TP63: variants seen among roughly 807,000 people sequenced by gnomAD.
TP63 encodes the protein tumor protein 63.
TP63 carries 17 observed loss-of-function variants against 82.8 expected under a neutral mutation model. That is an observed-to-expected ratio of 0.21 (90% CI 0.14 to 0.31). The LOEUF is 0.31. Ranked by LOEUF, TP63 falls within the 10% of genes least tolerant of loss-of-function variation. The pLI is 1.00. For synonymous variants in TP63, 330 were observed against 321.7 expected, an observed-to-expected ratio of 1.03 and a Z score of -0.28; for missense variants, 648 against 895.3, an observed-to-expected ratio of 0.72 and a Z score of 3.52.
At position 189,631,511 on chromosome 3, in the gene TP63, A is replaced by C; in HGVS notation, c.-5A>C. 6.2e-7 allele frequency: 1 copy of C among 1,612,638 alleles called. No individual in the cohort carries two copies. Among genetic ancestry groups the C allele is most frequent in the Admixed American group, 1.7e-5 (1 of 59,940 alleles). On this transcript the variant is annotated 5_prime_UTR_variant, in exon 1 of 14. Transcript: ENST00000264731. Reference sequence around the variant, plus strand: ...GTTCGTTGATATCAAAGACAGTTGAAGGAAATGAATTTTGAAACTTCACGG... The same window carrying C: ...GTTCGTTGATATCAAAGACAGTTGACGGAAATGAATTTTGAAACTTCACGG...
At chr3:189,706,419 C>A (rs1451010726) in intron 1 of TP63, among the ~76,000 whole-genome samples, 1 of 151,802 alleles carries the variant, frequency 6.6e-6, no homozygotes, top group Non-Finnish European at 1.5e-5. Context: ...CCATGCCTGG[C>A]TCATTTTTGT....
chr3:189,779,976 A>T (rs1239503935), intron 3 of TP63, among the ~76,000 whole-genome samples: 1 of 152,224 alleles, frequency 6.6e-6, no homozygotes, highest in Non-Finnish European at 1.5e-5. Context: ...AGGCAATAAG[A>T]TCAGATCAAC....
intron 10 of TP63, chr3:189,881,264 A>G (rs1017699538): frequency 2.0e-6 from 2 of 985,204 alleles, no homozygotes; most frequent in Non-Finnish European, 2.4e-6. Flanking sequence ...AGGGTAGACT[A>G]CTTTTCTTTT....
chr3:189,662,767 C>A (rs1714036261), intron 1 of TP63, among the ~76,000 whole-genome samples: 1 of 151,786 alleles, frequency 6.6e-6, no homozygotes, highest in South Asian at 2.1e-4. Context: ...TTCAATTTGT[C>A]TTTTATGGGG....
At chr3:189,712,420 A>T (rs2108756075) in intron 1 of TP63, among the ~76,000 whole-genome samples, 1 of 152,270 alleles carries the variant, frequency 6.6e-6, no homozygotes, top group South Asian at 2.1e-4. Flanking sequence ...AACAATAGAA[A>T]TTCTCATGGT....
intron 1 of TP63, among the ~76,000 whole-genome samples, chr3:189,679,210 A>T (rs1159132712): frequency 6.6e-6 from 1 of 152,026 alleles, no homozygotes; most frequent in Non-Finnish European, 1.5e-5. Context: ...AGAAACTTTT[A>T]TACTGGTTTT....
intron 3 of TP63, among the ~76,000 whole-genome samples, chr3:189,788,799 A>G (rs1724829024): frequency 6.6e-6 from 1 of 152,056 alleles, no homozygotes; most frequent in South Asian, 2.1e-4. Flanking sequence ...ATGCTTTAAT[A>G]CTTATTCCAC....
chr3:189,740,417 T>C (rs6765015), intron 3 of TP63, among the ~76,000 whole-genome samples: 1 of 151,848 alleles, frequency 6.6e-6, no homozygotes, highest in Non-Finnish European at 1.5e-5. Flanking sequence ...CTCATAAAAG[T>C]TGGCAAAAAG....
At chr3:189,624,911 A>G in the TP63 span, among the ~76,000 whole-genome samples, 15 of 152,276 alleles carry the variant, frequency 9.9e-5, no homozygotes, top group Admixed American at 2.0e-4. Flanking sequence ...TAATTTAGCT[A>G]TACATAAATG....
At chr3:189,676,524 T>C (rs1715410059) in intron 1 of TP63, among the ~76,000 whole-genome samples, 1 of 152,086 alleles carries the variant, frequency 6.6e-6, no homozygotes, top group African/African-American at 2.4e-5. Flanking sequence ...AATATGTATT[T>C]GTATTATATA....
intron 4 of TP63, among the ~76,000 whole-genome samples, chr3:189,852,415 A>G (rs1715758428): frequency 6.6e-6 from 1 of 152,230 alleles, no homozygotes; most frequent in African/African-American, 2.4e-5. Flanking sequence ...CTTTGATTTT[A>G]GAAAACAGAT....
At chr3:189,868,357 G>A (rs1241764828) in intron 7 of TP63, among the ~76,000 whole-genome samples, 1 of 152,160 alleles carries the variant, frequency 6.6e-6, no homozygotes, top group Non-Finnish European at 1.5e-5. Context: ...TAGCTCAGAG[G>A]TTCTTTGGAG....
At chr3:189,858,149 T>TAG (rs1285002331) in intron 4 of TP63, among the ~76,000 whole-genome samples, 157 of 14,544 alleles carry the variant, frequency 0.011, 65 homozygotes, top group African/African-American at 0.035. Context: ...CTCACGCCTG[T>TAG]AATCCCAGCA....
intron 4 of TP63, among the ~76,000 whole-genome samples, chr3:189,825,793 TA>T (rs912139896): frequency 1.8e-4 from 27 of 152,030 alleles, no homozygotes; most frequent in East Asian, 5.8e-4. Context: ...CCACGTGCTT[TA>T]AAAAAAATAA....
chr3:189,770,061 T>C (rs1317349319), intron 3 of TP63, among the ~76,000 whole-genome samples: 3 of 152,240 alleles, frequency 2.0e-5, no homozygotes, highest in Admixed American at 6.5e-5. Flanking sequence ...TGTTCATTTT[T>C]AGCAAATGTT....
At chr3:189,606,766 C>T in the TP63 span, among the ~76,000 whole-genome samples, 1 of 152,064 alleles carries the variant, frequency 6.6e-6, no homozygotes, top group Admixed American at 6.6e-5. Flanking sequence ...CTGACTCGGC[C>T]TCCCAAAGTG....
chr3:189,761,488 C>T lies in TP63; in HGVS notation c.324+22714C>T, dbSNP rs183467564. On this transcript the variant is annotated intron_variant, in intron 3 of 13. Transcript: ENST00000264731. ...CTTTGCTCCAATTCCCAACAAGTTC[C>T]TCATCTCCACCTGTGACCACCTCAG... Among the ~76,000 whole-genome samples, 15 of 142,504 alleles carry T rather than the reference C, an allele frequency of 1.1e-4. No individual in the cohort carries two copies. In the East Asian group the frequency reaches 2.5e-3, roughly 24 times the overall value. The allele number at this position is 142,504 out of a possible 152,430, so 93.5% of individuals were successfully genotyped here.
At chr3:189,772,401 T>A (rs1723446151) in intron 3 of TP63, among the ~76,000 whole-genome samples, 1 of 152,222 alleles carries the variant, frequency 6.6e-6, no homozygotes, top group Non-Finnish European at 1.5e-5. Flanking sequence ...TCCACTATAC[T>A]ATGATGCTTC....
intron 1 of TP63, among the ~76,000 whole-genome samples, chr3:189,731,969 A>G (rs977257894): frequency 2.2e-4 from 33 of 152,330 alleles, no homozygotes; most frequent in Admixed American, 2.0e-3. Context: ...TATAAAATGG[A>G]AATTAATACT....
Sources: gnomAD v4.1 joint callset for allele counts (sites outside exome capture counted in the v4.1 genomes callset) on GRCh38, gnomAD v4.1.1 for gene constraint, MANE v1.5 for transcripts, NCBI Gene and HGNC (gene_info 2026-07-23, HGNC 2026-07-21) for gene names.